The following SRPX variants were observed in gnomAD, a reference collection of about 807,000 sequenced individuals.
SRPX encodes the protein sushi repeat-containing protein SRPX.
Under a neutral mutation model 38.1 loss-of-function variants are expected in SRPX, and 24 were observed. That is an observed-to-expected ratio of 0.63 (90% CI 0.46 to 0.89). The LOEUF is 0.89. SRPX is among the 40% of genes least tolerant of loss of function. The pLI, the probability that SRPX is intolerant of heterozygous loss-of-function variation, is 0.00. For missense variants in SRPX, 416 were observed against 377.8 expected (o/e 1.10, Z -0.84); for synonymous variants, 184 against 153.8 (o/e 1.20, Z -1.45).
At chrX:38,219,838 T>C (rs1294534626) in intron 1 of SRPX, among the ~76,000 whole-genome samples, 1 of 112,659 alleles carries the variant, frequency 8.9e-6, no homozygotes, top group Admixed American at 9.3e-5. Flanking sequence ...TTCCTCTCCA[T>C]TCCGAGGCAA....
chrX:38,211,787 C>T (rs1212089766), intron 1 of SRPX, among the ~76,000 whole-genome samples: 2 of 111,248 alleles, frequency 1.8e-5, no homozygotes, highest in Admixed American at 9.5e-5. Flanking sequence ...AGGTGAGAGA[C>T]CCTCTTTAAG....
At chrX:38,202,579 G>A (rs777461171) in intron 1 of SRPX, among the ~76,000 whole-genome samples, 141 of 111,774 alleles carry the variant, frequency 1.3e-3, no homozygotes, top group African/African-American at 4.3e-3. Flanking sequence ...CAAACCAAAA[G>A]CTGTTTTTTG....
chrX:38,213,847 T>C (rs191048705), intron 1 of SRPX, among the ~76,000 whole-genome samples: 3 of 111,486 alleles, frequency 2.7e-5, no homozygotes, highest in African/African-American at 9.8e-5. Context: ...CTACACACTT[T>C]GAAAACAACC....
At chrX:38,160,263 T>G (rs1229578121) in intron 6 of SRPX, 67 bp from the exon 7 acceptor site, 1 of 1,097,865 alleles carries the variant, frequency 9.1e-7, no homozygotes, top group East Asian at 3.0e-5. Context: ...GCAGAAAAGG[T>G]GAGGATGCAG....
intron 3 of SRPX, 71 bp from the exon 4 acceptor site, chrX:38,172,128 A>G (rs1938482490): frequency 2.8e-6 from 3 of 1,080,850 alleles, no homozygotes; most frequent in Middle Eastern, 2.5e-4. Flanking sequence ...CAGAGTCTAG[A>G]AACTCTGAAA....
chrX:38,199,110 T>TA (rs1191357102), intron 1 of SRPX, among the ~76,000 whole-genome samples: 3 of 111,273 alleles, frequency 2.7e-5, no homozygotes, highest in South Asian at 7.6e-4. Context: ...TGACTGAATT[T>TA]AAAACTTTAG....
chrX:38,189,453 C>T (rs922341493), intron 1 of SRPX, among the ~76,000 whole-genome samples: 1 of 111,856 alleles, frequency 8.9e-6, no homozygotes, highest in Non-Finnish European at 1.9e-5. Flanking sequence ...AGAATGTAAA[C>T]CTGGGGAGGG....
At position 38,160,573 on chromosome X, in the gene SRPX, A is replaced by G. The variant is rs185474173; in HGVS notation, c.775+360T>C. On this transcript the variant is annotated intron_variant, in intron 6 of 9. Transcript: ENST00000378533. ...AAAAACATGTTCTCCTGGTGGCCCA[A>G]ATTAGGGGGCTCCTATTCACCCTGG... is the stretch of plus-strand genomic sequence containing the variant. Among the ~76,000 whole-genome samples the G allele has an allele frequency of 4.4e-4, 49 of 111,813 alleles. No homozygotes were observed. In the East Asian group the frequency reaches 0.011, roughly 26 times the overall value.
chrX:38,169,828 A>G (rs930712245), intron 4 of SRPX, among the ~76,000 whole-genome samples: 1 of 111,987 alleles, frequency 8.9e-6, no homozygotes, highest in Non-Finnish European at 1.9e-5. Flanking sequence ...TTGTGATTCC[A>G]ACTGTTCATT....
At chrX:38,176,661 C>T (rs763629600) in intron 2 of SRPX, among the ~76,000 whole-genome samples, 3 of 111,004 alleles carry the variant, frequency 2.7e-5, no homozygotes, top group Non-Finnish European at 5.7e-5. Context: ...GGTGTGGTGG[C>T]GTGTGCCTGT....
intron 5 of SRPX, among the ~76,000 whole-genome samples, chrX:38,163,990 G>A (rs2147771447): frequency 9.0e-6 from 1 of 111,273 alleles, no homozygotes; most frequent in South Asian, 3.8e-4. Context: ...CAGGCAATGG[G>A]GGTGGCTCTA....
At chrX:38,160,413 C>T (rs1011835827) in intron 6 of SRPX, among the ~76,000 whole-genome samples, 1 of 111,777 alleles carries the variant, frequency 8.9e-6, no homozygotes, top group Non-Finnish European at 1.9e-5. Context: ...CTGGTTTCGC[C>T]CCTAGTGTTA....
At chrX:38,167,709 T>C (rs1273496840) in intron 4 of SRPX, among the ~76,000 whole-genome samples, 1 of 112,149 alleles carries the variant, frequency 8.9e-6, no homozygotes, top group African/African-American at 3.2e-5. Flanking sequence ...TCTGTGCATA[T>C]AAAATATGAG....
intron 1 of SRPX, among the ~76,000 whole-genome samples, chrX:38,192,288 T>A (rs1427063952): frequency 9.0e-6 from 1 of 111,638 alleles, no homozygotes; most frequent in African/African-American, 3.3e-5. Context: ...TTATCAGTGG[T>A]GATCAGGTCC....
rs774354861 is a variant in SRPX, at chrX:38,172,003, T to C, written c.404A>G (p.Asp135Gly). ...MPANGGFKCV[D>G]GAYFNSRCEY... is the part of the protein sequence containing the mutation. ...ACACCGGGAGTTAAAGTAGGCACCA[T>C]CTACACACTTAAACCCTCCATTTGC... Residue 135 changes from aspartate (D) to glycine (G), a missense_variant, in exon 4 of 10, where the codon GAT becomes GGT. By Grantham distance (94) the Asp-to-Gly change is moderately conservative. Coordinates refer to ENST00000378533, the MANE Select transcript of SRPX (RefSeq NM_006307.5). 1 of 1,211,677 alleles carries C rather than the reference T, an allele frequency of 8.3e-7. No individual in the cohort carries two copies. The highest frequency in any genetic ancestry group is 1.1e-6 in the Non-Finnish European group (1 of 895,383).
chrX:38,156,866 T>C (rs764096542), intron 8 of SRPX, 30 bp downstream of exon 8: 26 of 1,200,204 alleles, frequency 2.2e-5, no homozygotes, highest in Non-Finnish European at 2.9e-5. Flanking sequence ...AAGGTCTCCC[T>C]CTCACCTTGG....
intron 1 of SRPX, among the ~76,000 whole-genome samples, chrX:38,218,153 C>T (rs1254446845): frequency 8.9e-6 from 1 of 111,948 alleles, no homozygotes; most frequent in Non-Finnish European, 1.9e-5. Context: ...GTTTTCCTGA[C>T]TAGTAAAACC....
Position 38,178,350 on chromosome X carries a change from A to G in SRPX, c.98-6T>C, listed in dbSNP as rs373015374. ...TAGTGGTGAGTCTCCCGATCCTACAATAAAAAAGAACAGAAACTGCAGCAA... is the reference window on the plus strand; with the variant it reads ...TAGTGGTGAGTCTCCCGATCCTACAGTAAAAAAGAACAGAAACTGCAGCAA... On this transcript the variant is annotated splice_polypyrimidine_tract_variant and splice_region_variant and intron_variant, in intron 1 of 9. Transcript: ENST00000378533. 1.4e-4 allele frequency: 165 copies of G among 1,203,953 alleles called. No individual in the cohort carries two copies. The highest frequency in any genetic ancestry group is 1.8e-4 in the Non-Finnish European group (162 of 890,663).
chrX:38,178,047 A>G (rs1938596641), intron 2 of SRPX, among the ~76,000 whole-genome samples: 1 of 112,252 alleles, frequency 8.9e-6, no homozygotes, highest in Admixed American at 9.5e-5. Context: ...AAAGAAACTT[A>G]TGAGAATAAA....
Sources: gnomAD v4.1 joint callset for allele counts (sites outside exome capture counted in the v4.1 genomes callset) on GRCh38, gnomAD v4.1.1 for gene constraint, MANE v1.5 for transcripts, NCBI Gene and HGNC (gene_info 2026-07-23, HGNC 2026-07-21) for gene names.